PRDM2: variants seen among roughly 807,000 people sequenced by gnomAD.
PRDM2 encodes the protein PR/SET domain 2.
In PRDM2, 30 loss-of-function variants were observed where a neutral mutation model predicts 130.0. The ratio of observed to expected loss-of-function variants is 0.23; its 90% confidence interval spans 0.17 to 0.31. PRDM2 has a LOEUF of 0.31. Among genes scored for constraint, PRDM2 ranks in the 10% least tolerant of loss-of-function variants. PRDM2 has a pLI of 1.00. For synonymous variants in PRDM2, 871 were observed against 782.4 expected (o/e 1.11, Z -1.89); for missense variants, 2,011 against 2,108.4 (o/e 0.95, Z 0.90).
rs747698621 is a variant in PRDM2 at position 13,780,576 on chromosome 1, C to T, written c.2781C>T (p.Leu927=). The part of the protein sequence containing the change: ...KSLEAQPDPD[L]GPGSGFPAPT... The stretch of plus-strand genomic sequence containing the variant: ...TAGAAGCTCAGCCAGATCCTGACCT[C>T]GGTCCGGGCTCTGGTTTCCCTGCCC... Residue 927 remains leucine, a synonymous_variant, in exon 8 of 10, where the codon CTC becomes CTT. Coordinates refer to ENST00000311066, the MANE Select transcript of PRDM2 (RefSeq NM_001393986.1). The T allele has an allele frequency of 1.5e-5, 24 of 1,614,018 alleles. No homozygotes were observed. The highest frequency in any genetic ancestry group is 1.6e-4 in the Middle Eastern group (1 of 6,084).
chr1:13,740,121 T>C (rs1435125320), intron 4 of PRDM2, among the ~76,000 whole-genome samples: 6 of 152,248 alleles, frequency 3.9e-5, no homozygotes, highest in Non-Finnish European at 8.8e-5. Flanking sequence ...ATGAGTTATG[T>C]ATGAATAAAA....
chr1:13,708,185 T>C (rs1007111635), intron 1 of PRDM2, among the ~76,000 whole-genome samples: 4 of 152,098 alleles, frequency 2.6e-5, no homozygotes, highest in Non-Finnish European at 5.9e-5. Flanking sequence ...TTTAATCTTT[T>C]TTTTTTTTCT....
In PRDM2 at chr1:13,781,955, A is replaced by G. The variant is rs1644622275; in HGVS notation, c.4160A>G (p.Asp1387Gly). 2.5e-6 allele frequency: 4 copies of G among 1,614,228 alleles called. No homozygotes were observed. The highest frequency in any genetic ancestry group is 1.1e-5 in the South Asian group (1 of 91,088). Residue 1387 changes from aspartate (D) to glycine (G), a missense_variant, in exon 8 of 10, where the codon GAT becomes GGT. By Grantham distance (94) the Asp-to-Gly change is moderately conservative. This residue lies in a region of PRDM2 where 229 missense variants were observed against 364.1 expected (regional missense o/e 0.63). Coordinates refer to ENST00000311066, the MANE Select transcript of PRDM2 (RefSeq NM_001393986.1). This position sits in a 1 kb window ranked among gnomAD's most constrained non-coding sequence, Gnocchi z 6.1. ...CCCAAAAATGGCGTGGTGGTTTTAG[A>G]TAACTCTGGGAAAAATGCCTTCCGA... is the stretch of plus-strand genomic sequence containing the variant. ...VQPKNGVVVLDNSGKNAFRRM... is the reference protein window; with the variant it reads ...VQPKNGVVVLGNSGKNAFRRM...
At chr1:13,775,695 C>G (rs1432934978) in intron 7 of PRDM2, among the ~76,000 whole-genome samples, 2 of 152,190 alleles carry the variant, frequency 1.3e-5, no homozygotes, top group Non-Finnish European at 2.9e-5. Flanking sequence ...CCCACTGTAT[C>G]CACGCAGTCC....
intron 5 of PRDM2, among the ~76,000 whole-genome samples, chr1:13,746,994 A>G (rs1371265566): frequency 1.3e-5 from 2 of 152,278 alleles, no homozygotes; most frequent in Non-Finnish European, 2.9e-5. Flanking sequence ...AGCAACAAGA[A>G]TATCTTAGGA....
At chr1:13,710,382 A>G (rs1219904264) in intron 1 of PRDM2, among the ~76,000 whole-genome samples, 1 of 152,198 alleles carries the variant, frequency 6.6e-6, no homozygotes, top group Admixed American at 6.5e-5. Context: ...TAATGACTCA[A>G]ATTATTTTAT....
intron 2 of PRDM2, among the ~76,000 whole-genome samples, chr1:13,724,175 CTGGGGTTTAAAGTAT>C (rs1461915962): frequency 1.3e-5 from 2 of 152,210 alleles, no homozygotes; most frequent in East Asian, 3.9e-4. Flanking sequence ...CTTCACCACC[CTGGGGTTTAAAGTAT>C]TGGGAACTTT....
At chr1:13,722,918 G>A in intron 2 of PRDM2, 3 of 491,596 alleles carry the variant, frequency 6.1e-6, no homozygotes, top group South Asian at 3.0e-5. Flanking sequence ...GAGTAGCCTA[G>A]ATGCCAGAAA....
intron 6 of PRDM2, among the ~76,000 whole-genome samples, chr1:13,751,810 A>G (rs867995571): frequency 1.3e-5 from 2 of 152,198 alleles, no homozygotes; most frequent in Non-Finnish European, 2.9e-5. Flanking sequence ...GACAGCTGCT[A>G]TACTTACAGC....
chr1:13,730,706 G>T (rs1181421786), intron 2 of PRDM2, among the ~76,000 whole-genome samples: 1 of 152,192 alleles, frequency 6.6e-6, no homozygotes, highest in African/African-American at 2.4e-5. Context: ...TTCTATTTGT[G>T]TTTAAAGCAG....
At chr1:13,767,686 A>AG (rs1557634459) in intron 6 of PRDM2, among the ~76,000 whole-genome samples, 1 of 152,124 alleles carries the variant, frequency 6.6e-6, no homozygotes, top group East Asian at 1.9e-4. Flanking sequence ...TTGTAAAGTA[A>AG]GGTATGCTGC....
chr1:13,747,150 G>T (rs1483115034), intron 5 of PRDM2, among the ~76,000 whole-genome samples: 1 of 152,182 alleles, frequency 6.6e-6, no homozygotes, highest in Non-Finnish European at 1.5e-5. Flanking sequence ...ATGTCCGGTG[G>T]TATCTTCTAG....
At chr1:13,753,929 T>C (rs1643891417) in intron 6 of PRDM2, among the ~76,000 whole-genome samples, 1 of 152,160 alleles carries the variant, frequency 6.6e-6, no homozygotes, top group Non-Finnish European at 1.5e-5. Context: ...AGAACTAAAA[T>C]GACAAGGGTC....
At chr1:13,737,507 A>AG (rs914849877) in intron 4 of PRDM2, among the ~76,000 whole-genome samples, 6 of 152,174 alleles carry the variant, frequency 3.9e-5, no homozygotes, top group Non-Finnish European at 7.3e-5. Context: ...CTTGATGTGT[A>AG]GGGAAGAGTA....
At chr1:13,790,359 GTGCATCTGGCGT>G (rs1169932093) in intron 8 of PRDM2, among the ~76,000 whole-genome samples, 2 of 152,170 alleles carry the variant, frequency 1.3e-5, no homozygotes, top group African/African-American at 2.4e-5. Context: ...TGGCGGGGCC[GTGCATCTGGCGT>G]TGGGGCATCA....
chr1:13,715,813 C>T (rs958460517), intron 2 of PRDM2, among the ~76,000 whole-genome samples, 199 bp downstream of exon 2: 1 of 152,072 alleles, frequency 6.6e-6, no homozygotes, highest in Non-Finnish European at 1.5e-5. Context: ...CGTGGGTTGG[C>T]GTTTCTGTGG....
chr1:13,707,644 T>C (rs1006618354), intron 1 of PRDM2, among the ~76,000 whole-genome samples: 1 of 152,176 alleles, frequency 6.6e-6, no homozygotes, highest in Non-Finnish European at 1.5e-5. Flanking sequence ...TGAAGCATAG[T>C]TCTCATCAGA....
chr1:13,795,482 C>T (rs1157294921), intron 8 of PRDM2, among the ~76,000 whole-genome samples: 1 of 152,120 alleles, frequency 6.6e-6, no homozygotes, highest in African/African-American at 2.4e-5. Flanking sequence ...TGGATCTAGG[C>T]GTGAGGAGGT....
intron 1 of PRDM2, among the ~76,000 whole-genome samples, chr1:13,706,401 T>G (rs1447454348): frequency 3.3e-5 from 5 of 152,222 alleles, no homozygotes; most frequent in Non-Finnish European, 7.3e-5. Flanking sequence ...AAAGCTGCCT[T>G]CCTTCTGGGC....
Sources: allele counts gnomAD v4.1 joint callset (sites outside exome capture counted in the v4.1 genomes callset), GRCh38; gene constraint gnomAD v4.1.1; regional missense constraint gnomAD v4.1.1; non-coding constraint Gnocchi (gnomAD v3.1); transcripts MANE v1.5; gene names NCBI Gene and HGNC (gene_info 2026-07-23, HGNC 2026-07-21).